The following ZNF30 variants were observed in gnomAD, a reference collection of about 807,000 sequenced individuals.
ZNF30 encodes zinc finger protein 30, also known as zinc finger protein 30 (KOX 28).
A neutral mutation model predicts 13.2 loss-of-function variants in ZNF30; 15 were observed. The observed-to-expected ratio is 1.13, with a 90% CI of 0.76 to 1.75. ZNF30 has a LOEUF of 1.75. Among genes scored for constraint, ZNF30 ranks in the 40% most tolerant of loss-of-function variants. The probability of loss-of-function intolerance (pLI) is 0.00; values close to 1 mark genes in which losing one functional copy is unlikely to be tolerated. For synonymous variants in ZNF30, 223 were observed against 256.6 expected, an observed-to-expected ratio of 0.87 and a Z score of 1.25; for missense variants, 726 against 757.0, an observed-to-expected ratio of 0.96 and a Z score of 0.48.
chr19:34,940,667 C>CAAAAAAAA (rs59553578), intron 4 of ZNF30, among the ~76,000 whole-genome samples: 18 of 63,896 alleles, frequency 2.8e-4, no homozygotes, highest in South Asian at 9.5e-4. Context: ...GACTCCGTCT[C>CAAAAAAAA]AAAAAAAAAA....
intron 2 of ZNF30, among the ~76,000 whole-genome samples, chr19:34,931,195 G>A (rs866223929): frequency 9.9e-5 from 15 of 151,888 alleles, no homozygotes; most frequent in African/African-American, 3.6e-4. Flanking sequence ...ATGCCACAAC[G>A]CCCAGCTAAT....
intron 2 of ZNF30, among the ~76,000 whole-genome samples, chr19:34,930,604 ACCCAG>A (rs2012396262): frequency 6.6e-6 from 1 of 152,138 alleles, no homozygotes; most frequent in Non-Finnish European, 1.5e-5. Flanking sequence ...ACACCTGTAA[ACCCAG>A]GACCTTGGGA....
Position 34,926,975 on chromosome 19 carries a change from C to CTG in ZNF30, c.-306_-305insTG. Reference sequence around the variant, plus strand: ...GCATTTCCCAGAGGCTGCAGCTATCCGGCCAATGTAGCCTGAAACTACATT... The same window carrying CTG: ...GCATTTCCCAGAGGCTGCAGCTATCCTGGGCCAATGTAGCCTGAAACTACATT... On this transcript the variant is annotated 5_prime_UTR_variant, in exon 1 of 5. It introduces an in-frame stop codon into an upstream open reading frame of the 5' UTR. Transcript: ENST00000601142. 2.5e-6 allele frequency: 1 copy of CTG among 398,598 alleles called. No homozygotes were observed. The highest frequency in any genetic ancestry group is 4.4e-5 in the Admixed American group (1 of 22,740). 24.7% of individuals were successfully genotyped at this position (398,598 alleles called of 1,614,324 possible).
rs373467049 is a variant in ZNF30 at position 34,944,081 on chromosome 19, A to G, written c.1115A>G (p.Tyr372Cys). 2.5e-6 allele frequency: 4 copies of G among 1,613,576 alleles called. No individual in the cohort carries two copies. The African/African-American group carries it at 4.0e-5, about 16-fold the overall frequency. The change falls in exon 5 of 5, where the codon TAC (tyrosine) becomes TGC (cysteine). Residue 372 changes from tyrosine to cysteine, a missense_variant. Transcript: ENST00000601142. ...HQRIHAEIKP[Y>C]GCKECGRTFS... The stretch of plus-strand genomic sequence containing the variant: ...CGAATTCATGCAGAGATAAAGCCCT[A>G]CGGATGCAAGGAATGCGGGAGAACC...
intron 4 of ZNF30, among the ~76,000 whole-genome samples, chr19:34,941,110 ATTTGTGTC>A (rs1250579071): frequency 2.6e-5 from 4 of 152,146 alleles, no homozygotes; most frequent in Non-Finnish European, 5.9e-5. Context: ...ATGGACATGA[ATTTGTGTC>A]TTTGTGACAT....
rs1329078711 is a variant in ZNF30 at position 34,943,791 on chromosome 19, G to C, written c.825G>C (p.Leu275=). The C allele has an allele frequency of 1.9e-6, 3 of 1,612,676 alleles. No individual in the cohort carries two copies. Among genetic ancestry groups the C allele is most frequent in the African/African-American group, 1.3e-5 (1 of 74,542 alleles). Reference sequence around the variant, plus strand: ...AGGCCTTCAGTACCTTTTCATACCTGGTTCAACATCAGCGAATTCATACCA... The same window carrying C: ...AGGCCTTCAGTACCTTTTCATACCTCGTTCAACATCAGCGAATTCATACCA... ...CGKAFSTFSY[L]VQHQRIHTSE... The change falls in exon 5 of 5, where the codon CTG becomes CTC. Residue 275 remains leucine, a synonymous_variant. Coordinates refer to ENST00000601142, the MANE Select transcript of ZNF30 (RefSeq NM_194325.3).
chr19:34,935,700 G>GTTTTTTTTTTTTTTTTTTTTTTTTTTCT (rs142285130), intron 4 of ZNF30, among the ~76,000 whole-genome samples: 1 of 84,222 alleles, frequency 1.2e-5, no homozygotes, highest in African/African-American at 5.2e-5. Flanking sequence ...GTTGTCTATA[G>GTTTTTTTTTTTTTTTTTTTTTTTTTTCT]TTTTTTTTTT....
At chr19:34,928,478 A>G (rs534245678) in intron 1 of ZNF30, among the ~76,000 whole-genome samples, 3 of 152,166 alleles carry the variant, frequency 2.0e-5, no homozygotes, top group African/African-American at 7.2e-5. Flanking sequence ...CCATGTTCAC[A>G]TAACTTTTAT....
intron 4 of ZNF30, among the ~76,000 whole-genome samples, chr19:34,936,431 C>T (rs746389714): frequency 2.0e-5 from 3 of 152,038 alleles, no homozygotes; most frequent in African/African-American, 4.8e-5. Context: ...AATGGTGGTA[C>T]GGTCACGTGA....
intron 4 of ZNF30, among the ~76,000 whole-genome samples, chr19:34,940,939 T>C (rs888054779): frequency 1.1e-4 from 17 of 152,200 alleles, no homozygotes; most frequent in Admixed American, 1.1e-3. Flanking sequence ...AATTTCCTGA[T>C]TTCTTATGTC....
chr19:34,939,745 G>A (rs1657963144), intron 4 of ZNF30, among the ~76,000 whole-genome samples: 2 of 152,200 alleles, frequency 1.3e-5, no homozygotes, highest in Admixed American at 6.5e-5. Context: ...TTTCACTACT[G>A]CATCATCTTT....
chr19:34,929,240 G>C (rs1217343682), intron 1 of ZNF30, among the ~76,000 whole-genome samples: 1 of 152,076 alleles, frequency 6.6e-6, no homozygotes, highest in Admixed American at 6.5e-5. Context: ...CCAAGATGGC[G>C]CCACTGCACT....
chr19:34,943,497 A>C lies in ZNF30; in HGVS notation c.531A>C (p.Lys177Asn), dbSNP rs1462128218. The change falls in exon 5 of 5, where the codon AAA becomes AAC. Residue 177 changes from lysine to asparagine, a missense_variant. Coordinates refer to ENST00000601142, the MANE Select transcript of ZNF30 (RefSeq NM_194325.3). ...TGCATGTTGGTGAGAAACCCTATAA[A>C]TATGAAAAATGTGGGAAGGCCTTTA... is the stretch of plus-strand genomic sequence containing the variant. ...QRLHVGEKPY[K>N]YEKCGKAFIS... 6.2e-7 allele frequency: 1 copy of C among 1,613,866 alleles called. No homozygotes were observed. Among genetic ancestry groups the C allele is most frequent in the East Asian group, 2.2e-5 (1 of 44,886 alleles).
At chr19:34,925,540 C>T (rs1023606263), upstream of ZNF30, among the ~76,000 whole-genome samples, 2 of 152,146 alleles carry the variant, frequency 1.3e-5, no homozygotes, top group Non-Finnish European at 2.9e-5. Context: ...GGATGTCCAG[C>T]GGCTTGTGTG....
intron 4 of ZNF30, chr19:34,942,490 C>A: frequency 2.9e-5 from 11 of 374,940 alleles, no homozygotes; most frequent in South Asian, 7.8e-5. Flanking sequence ...CAGTAGGAAA[C>A]CAAAGAATGA....
At chr19:34,928,220 A>AAAAAAAATATATAT (rs1555778254) in intron 1 of ZNF30, among the ~76,000 whole-genome samples, 1 of 73,414 alleles carries the variant, frequency 1.4e-5, no homozygotes, top group Non-Finnish European at 2.6e-5. Flanking sequence ...AAAAAAAAAA[A>AAAAAAAATATATAT]ATATATATAT....
At position 34,931,868 on chromosome 19, in the gene ZNF30, G is replaced by A. The variant is rs146842588; in HGVS notation, c.35G>A (p.Gly12Glu). The A allele has an allele frequency of 6.2e-3, 9,952 of 1,612,202 alleles. 42 individuals carry two copies. Among genetic ancestry groups the A allele is most frequent in the Non-Finnish European group, 7.4e-3 (8,782 of 1,179,382 alleles). The change falls in exon 3 of 5, where the codon GGA (glycine) becomes GAA (glutamate). Residue 12 changes from glycine to glutamate, a missense_variant. Transcript: ENST00000601142. Reference protein sequence around the residue: ...AHKYVGLQYHGSVTFEDVAIA... With the variant: ...AHKYVGLQYHESVTFEDVAIA... Reference sequence around the variant, plus strand: ...AAATATGTGGGTTTGCAGTATCACGGATCAGTGACATTTGAGGATGTGGCC... The same window carrying A: ...AAATATGTGGGTTTGCAGTATCACGAATCAGTGACATTTGAGGATGTGGCC...
intron 4 of ZNF30, among the ~76,000 whole-genome samples, chr19:34,937,936 C>T (rs1416156920): frequency 6.6e-6 from 1 of 152,042 alleles, no homozygotes; most frequent in Non-Finnish European, 1.5e-5. Context: ...GCTGGGACTA[C>T]AGGCGCCTGC....
chr19:34,939,128 T>G, intron 4 of ZNF30, among the ~76,000 whole-genome samples: 2 of 67,416 alleles, frequency 3.0e-5, no homozygotes, highest in South Asian at 7.3e-4. Context: ...TTGTCTCCCC[T>G]CCCCTCCCCT....
Sources: allele counts gnomAD v4.1 joint callset (sites outside exome capture counted in the v4.1 genomes callset), GRCh38; gene constraint gnomAD v4.1.1; transcripts MANE v1.5; gene names NCBI Gene and HGNC (gene_info 2026-07-23, HGNC 2026-07-21).